RSAD2: variants seen among roughly 807,000 people sequenced by gnomAD.
RSAD2 encodes radical S-adenosyl methionine domain containing 2.
A neutral mutation model predicts 37.7 loss-of-function variants in RSAD2; 38 were observed. That is an observed-to-expected ratio of 1.01 (90% confidence interval 0.78 to 1.32). The LOEUF (loss-of-function observed/expected upper bound fraction) is 1.32, where lower values mean the gene tolerates loss of function less well. RSAD2 is among the 40% of genes most tolerant of loss of function. The pLI is 0.00. For missense variants in RSAD2, 428 were observed against 437.5 expected (o/e 0.98, Z 0.19); for synonymous variants, 163 against 157.4 (o/e 1.04, Z -0.27).
At chr2:6,876,740 G>T (rs1425101709), upstream of RSAD2, 1 of 152,072 alleles carries the variant, frequency 6.6e-6, no homozygotes, top group Non-Finnish European at 1.5e-5. Context: ...AGAATAACAG[G>T]AGCTAACCCT....
At chr2:6,889,572 T>C (rs1663590517) in intron 3 of RSAD2, among the ~76,000 whole-genome samples, 1 of 152,212 alleles carries the variant, frequency 6.6e-6, no homozygotes, top group African/African-American at 2.4e-5. Flanking sequence ...TCACCCTTTG[T>C]CACCTTGGGC....
chr2:6,866,027 C>A, exon 1 of RSAD2: 1 of 454,238 alleles, frequency 2.2e-6, no homozygotes, highest in South Asian at 3.0e-5. Flanking sequence ...GAATGAGGCC[C>A]CGCGCCGTCG....
At chr2:6,886,054 C>T (rs557456438) in intron 2 of RSAD2, among the ~76,000 whole-genome samples, 7 of 152,018 alleles carry the variant, frequency 4.6e-5, no homozygotes, top group Non-Finnish European at 1.0e-4. Context: ...TTGGAATTTC[C>T]AGCTTCTATA....
chr2:6,870,621 C>G (rs1663185758), intron 1 of RSAD2, among the ~76,000 whole-genome samples: 1 of 152,158 alleles, frequency 6.6e-6, no homozygotes, highest in Non-Finnish European at 1.5e-5. Flanking sequence ...AGCCAGTCCC[C>G]CCATCTAGAC....
chr2:6,876,853 G>T (rs1663290730), upstream of RSAD2: 1 of 152,158 alleles, frequency 6.6e-6, no homozygotes, highest in African/African-American at 2.4e-5. Flanking sequence ...CTTTGCTGAT[G>T]AAGAAATGGA....
rs1473372392 is a variant in RSAD2 at position 6,866,017 on chromosome 2, GA to G, written c.116del (p.Asn39MetfsTer34). 1 of 511,824 alleles carries G rather than the reference GA, an allele frequency of 2.0e-6. No individual in the cohort carries two copies. Among genetic ancestry groups the G allele is most frequent in the East Asian group, 6.9e-5 (1 of 14,450 alleles). 31.7% of individuals were successfully genotyped at this position (511,824 alleles called of 1,614,324 possible). A position where few individuals can be genotyped will look rare whatever the true frequency, so the allele number is the denominator to read the frequency against. On this transcript the variant is annotated frameshift_variant, in exon 1 of 6. Transcript: ENST00000442639. LOFTEE classifies it high-confidence loss of function. ...GGCGCCGGCTCCCGGGGCTGACACC[GA>G]ATGAGGCCCCGCGCCGTCGGCCCCA... is the stretch of plus-strand genomic sequence containing the variant.
In RSAD2 at chr2:6,878,137, A is replaced by G; in HGVS notation, c.337A>G (p.Lys113Glu). Residue 113 changes from lysine to glutamate, a missense_variant, in exon 1 of 6, where the codon AAG becomes GAG. Coordinates refer to ENST00000382040, the MANE Select transcript of RSAD2 (RefSeq NM_080657.5). ...EEAKRGLLLLKEAGMEKINFS... is the reference protein window; with the variant it reads ...EEAKRGLLLLEEAGMEKINFS... ...AGCAAAGAGAGGATTGCTTTTGCTT[A>G]AGGAAGCTGGTGAGTACATGGTCCT... The G allele has an allele frequency of 6.2e-7, 1 of 1,613,244 alleles. No individual in the cohort carries two copies. The highest frequency in any genetic ancestry group is 1.1e-5 in the South Asian group (1 of 90,916).
chr2:6,893,290 A>G (rs971218477), intron 4 of RSAD2, among the ~76,000 whole-genome samples: 7 of 152,184 alleles, frequency 4.6e-5, no homozygotes, highest in African/African-American at 1.2e-4. Flanking sequence ...GTTCTGCTTT[A>G]TACATTGAAA....
intron 1 of RSAD2, chr2:6,879,180 G>A: frequency 2.4e-6 from 1 of 414,602 alleles, no homozygotes; most frequent in South Asian, 1.7e-5. Context: ...ACCCAAAGCT[G>A]ATTGCTCAAA....
Position 6,886,956 on chromosome 2 carries a change from C to T in RSAD2, c.530C>T (p.Ala177Val), listed in dbSNP as rs1040483187. 3.5e-5 allele frequency: 56 copies of T among 1,613,922 alleles called. No homozygotes were observed. The highest frequency in any genetic ancestry group is 6.7e-5 in the African/African-American group (5 of 74,940). Residue 177 changes from alanine to valine, a missense_variant, in exon 3 of 6, where the codon GCT becomes GTT. By Grantham distance (64) the Ala-to-Val change is moderately conservative. Coordinates refer to ENST00000382040, the MANE Select transcript of RSAD2 (RefSeq NM_080657.5). ...QNYGEYLDIL[A>V]ISCDSFDEEV... ...TCAGGTGAGTATTTGGACATTCTCG[C>T]TATCTCCTGTGACAGCTTTGACGAG...
chr2:6,868,555 G>A (rs940012945), intron 1 of RSAD2, among the ~76,000 whole-genome samples: 1 of 152,210 alleles, frequency 6.6e-6, no homozygotes, highest in African/African-American at 2.4e-5. Context: ...TCCTAGGCTA[G>A]AAGTTAATGA....
chr2:6,891,794 A>G (rs1024811014), intron 4 of RSAD2, among the ~76,000 whole-genome samples: 1 of 150,934 alleles, frequency 6.6e-6, no homozygotes, highest in Non-Finnish European at 1.5e-5. Context: ...AAAGAATAAT[A>G]CCAAAAAAAA....
intron 1 of RSAD2, among the ~76,000 whole-genome samples, chr2:6,882,030 A>G (rs1663416282): frequency 6.6e-6 from 1 of 152,240 alleles, no homozygotes; most frequent in South Asian, 2.1e-4. Context: ...CTCTGAGAAA[A>G]CAAAATGACC....
Position 6,895,998 on chromosome 2 carries a change from G to A in RSAD2, c.*56G>A. ...CAGTGGGAAAACTCCTAGAGTAACT[G>A]CCATTGTCTGCAATACTATCCCGTT... On this transcript the variant is annotated 3_prime_UTR_variant, in exon 6 of 6. Coordinates refer to ENST00000382040, the MANE Select transcript of RSAD2 (RefSeq NM_080657.5). 1 of 1,535,844 alleles carries A rather than the reference G, an allele frequency of 6.5e-7. No individual in the cohort carries two copies. The highest frequency in any genetic ancestry group is 8.9e-7 in the Non-Finnish European group (1 of 1,121,466).
At chr2:6,866,809 G>A (rs1273289837) in intron 1 of RSAD2, among the ~76,000 whole-genome samples, 1 of 103,836 alleles carries the variant, frequency 9.6e-6, no homozygotes, top group African/African-American at 3.1e-5. Context: ...AACATTAGAT[G>A]AGCTGAAAGC....
chr2:6,890,393 C>G lies in RSAD2; in HGVS notation c.888+68C>G. On this transcript the variant is annotated intron_variant, in intron 4 of 5. Transcript: ENST00000382040. ...AGATTGATTCCCAAAAGGGAAGTCT[C>G]TCAGCCAAGGACCCCACACATTGTT... 6 of 1,536,514 alleles carry G rather than the reference C, an allele frequency of 3.9e-6. No individual in the cohort carries two copies. The East Asian group carries it at 9.0e-5, about 23-fold the overall frequency.
chr2:6,884,239 C>T (rs887958195), intron 2 of RSAD2, among the ~76,000 whole-genome samples: 2 of 152,152 alleles, frequency 1.3e-5, no homozygotes, highest in African/African-American at 4.8e-5. Context: ...TGAGACATCT[C>T]TGATACCCCA....
upstream of RSAD2, among the ~76,000 whole-genome samples, chr2:6,874,120 C>T (rs75769725): frequency 6.6e-3 from 1,011 of 152,170 alleles, 12 homozygotes; most frequent in African/African-American, 0.023. Flanking sequence ...AAGTGTGTAG[C>T]GCCTCCTCCT....
At chr2:6,871,020 C>T (rs1663195374) in intron 1 of RSAD2, among the ~76,000 whole-genome samples, 1 of 152,132 alleles carries the variant, frequency 6.6e-6, no homozygotes, top group Non-Finnish European at 1.5e-5. Context: ...CCAAAACTTG[C>T]CAGTCTACAC....
Sources: allele counts gnomAD v4.1 joint callset (sites outside exome capture counted in the v4.1 genomes callset), GRCh38; gene constraint gnomAD v4.1.1; transcripts MANE v1.5; gene names NCBI Gene and HGNC (gene_info 2026-07-23, HGNC 2026-07-21).